The following SORCS1 variants were observed in gnomAD, a reference collection of about 807,000 sequenced individuals.
The protein encoded by SORCS1 is sortilin related VPS10 domain containing receptor 1.
Under a neutral mutation model 146.1 loss-of-function variants are expected in SORCS1, and 60 were observed. The ratio of observed to expected loss-of-function variants is 0.41; its 90% CI spans 0.33 to 0.51. The LOEUF (loss-of-function observed/expected upper bound fraction) is 0.51. SORCS1 is among the 20% of genes least tolerant of loss of function. The pLI is 0.21. For synonymous variants in SORCS1, 637 were observed against 584.0 expected (o/e 1.09, Z -1.31); for missense variants, 1,352 against 1,487.6 (o/e 0.91, Z 1.50).
intron 2 of SORCS1, among the ~76,000 whole-genome samples, chr10:106,905,281 A>G (rs978831503): frequency 1.1e-4 from 16 of 152,204 alleles, no homozygotes; most frequent in Admixed American, 9.2e-4. Flanking sequence ...TTATTTAGAA[A>G]ATTAAGTTGG....
intron 1 of SORCS1, among the ~76,000 whole-genome samples, chr10:106,992,386 C>T (rs560852639): frequency 6.6e-6 from 1 of 152,202 alleles, no homozygotes; most frequent in East Asian, 1.9e-4. Context: ...AAAAAAATAC[C>T]ATACATTTAC....
intron 1 of SORCS1, among the ~76,000 whole-genome samples, chr10:107,035,593 T>G (rs2133958611): frequency 6.6e-6 from 1 of 152,312 alleles, no homozygotes; most frequent in East Asian, 1.9e-4. Context: ...TCAGATTTTC[T>G]ACAGATGAGG....
intron 1 of SORCS1, among the ~76,000 whole-genome samples, chr10:107,131,439 T>C (rs551180419): frequency 6.6e-6 from 1 of 152,316 alleles, no homozygotes; most frequent in African/African-American, 2.4e-5. Context: ...CCTCTCTCTT[T>C]TGGCCCGATG....
the SORCS1 span, among the ~76,000 whole-genome samples, chr10:107,170,164 A>G: frequency 6.6e-6 from 1 of 152,194 alleles, no homozygotes. Context: ...AAACTGTAAA[A>G]TGTAACTTCT....
intron 4 of SORCS1, among the ~76,000 whole-genome samples, chr10:106,763,305 T>C (rs949931372): frequency 6.6e-6 from 1 of 152,162 alleles, no homozygotes; most frequent in African/African-American, 2.4e-5. Context: ...TTTGTGGTTC[T>C]TTTTTTCTCT....
At position 106,710,077 on chromosome 10, in the gene SORCS1, A is replaced by G. The variant is rs1367351101; in HGVS notation, c.1025-736T>C. On this transcript the variant is annotated intron_variant, in intron 6 of 25. Transcript: ENST00000263054. ...AAAACACACATACATCTAATCATTCATCATCTAATGATAAAAATGATGTGG... is the reference window on the plus strand; with the variant it reads ...AAAACACACATACATCTAATCATTCGTCATCTAATGATAAAAATGATGTGG... 2.0e-5 allele frequency among the ~76,000 whole-genome samples: 3 copies of G among 152,228 alleles called. No homozygotes were observed. In the East Asian group the frequency reaches 5.8e-4, roughly 29 times the overall value.
At chr10:106,957,739 C>G (rs993323263) in intron 1 of SORCS1, among the ~76,000 whole-genome samples, 10 of 152,110 alleles carry the variant, frequency 6.6e-5, no homozygotes, top group African/African-American at 2.2e-4. Context: ...TTGTGGAATG[C>G]TAAATTTAAG....
the SORCS1 span, among the ~76,000 whole-genome samples, chr10:107,180,142 C>T: frequency 6.6e-6 from 1 of 151,940 alleles, no homozygotes; most frequent in Non-Finnish European, 1.5e-5. Flanking sequence ...TCTCAAACTC[C>T]TGGGCTCAAG....
At chr10:106,906,217 C>T (rs144272560) in intron 2 of SORCS1, among the ~76,000 whole-genome samples, 274 of 152,326 alleles carry the variant, frequency 1.8e-3, no homozygotes, top group African/African-American at 5.9e-3. Context: ...TGGGTTCAAG[C>T]AATTCTCCTG....
chr10:107,116,081 T>C (rs142888123), intron 1 of SORCS1, among the ~76,000 whole-genome samples: 4 of 152,052 alleles, frequency 2.6e-5, no homozygotes, highest in East Asian at 1.9e-4. Context: ...ACTTCATACA[T>C]AGTAGGATGG....
chr10:107,052,793 A>G (rs1960245627), intron 1 of SORCS1, among the ~76,000 whole-genome samples: 1 of 152,036 alleles, frequency 6.6e-6, no homozygotes, highest in Non-Finnish European at 1.5e-5. Context: ...AAATTTGTAA[A>G]TTATATTCTA....
At chr10:106,620,275 G>C in intron 20 of SORCS1, 153 bp downstream of exon 20, 1 of 851,768 alleles carries the variant, frequency 1.2e-6, no homozygotes. Flanking sequence ...AGAACATAAT[G>C]ATGAGATACT....
chr10:106,634,700 AT>A (rs1196775275), intron 18 of SORCS1, among the ~76,000 whole-genome samples: 1 of 152,150 alleles, frequency 6.6e-6, no homozygotes, highest in African/African-American at 2.4e-5. Context: ...ATAGGTTGGC[AT>A]TTACTCAATA....
At chr10:107,125,401 T>G (rs1966658731) in intron 1 of SORCS1, among the ~76,000 whole-genome samples, 1 of 152,204 alleles carries the variant, frequency 6.6e-6, no homozygotes. Flanking sequence ...CCTTTGGAAG[T>G]TGGGAACAGC....
chr10:106,705,777 A>G (rs764424442), intron 8 of SORCS1, among the ~76,000 whole-genome samples: 1 of 152,162 alleles, frequency 6.6e-6, no homozygotes, highest in Non-Finnish European at 1.5e-5. Flanking sequence ...GGCGCTCCAT[A>G]TTAACGCAGT....
chr10:106,583,429 C>G lies in SORCS1; in HGVS notation c.3266-3955G>C, dbSNP rs80217605. On this transcript the variant is annotated intron_variant, in intron 24 of 25. Coordinates refer to ENST00000263054, the MANE Select transcript of SORCS1 (RefSeq NM_052918.5). ...AACTCATTTGACCACAGACCCTTTG[C>G]AGAACTAGGTTCCACATAACACTCT... Among the ~76,000 whole-genome samples, 3,117 of 152,274 alleles carry G rather than the reference C, an allele frequency of 0.02. 193 individuals carry two copies. The East Asian group carries it at 0.23, about 11-fold the overall frequency.
At chr10:106,647,119 T>A (rs933659203) in intron 18 of SORCS1, among the ~76,000 whole-genome samples, 2 of 150,944 alleles carry the variant, frequency 1.3e-5, no homozygotes, top group Non-Finnish European at 3.0e-5. Flanking sequence ...AAATTTTGTG[T>A]AAATTTTGTG....
At chr10:107,029,937 G>T (rs1400560847) in intron 1 of SORCS1, among the ~76,000 whole-genome samples, 1 of 152,224 alleles carries the variant, frequency 6.6e-6, no homozygotes, top group African/African-American at 2.4e-5. Flanking sequence ...TCACAGCAAT[G>T]AAAGAGTTGA....
intron 21 of SORCS1, among the ~76,000 whole-genome samples, chr10:106,613,733 AAAATTT>A (rs1381745603): frequency 6.6e-6 from 1 of 152,144 alleles, no homozygotes; most frequent in African/African-American, 2.4e-5. Flanking sequence ...CATTTAGTAT[AAAATTT>A]AGATTCTTAC....
Sources: gnomAD v4.1 joint callset for allele counts (sites outside exome capture counted in the v4.1 genomes callset) on GRCh38, gnomAD v4.1.1 for gene constraint, MANE v1.5 for transcripts, NCBI Gene and HGNC (gene_info 2026-07-23, HGNC 2026-07-21) for gene names.